RHOJ: variants seen among roughly 807,000 people sequenced by gnomAD.
The protein encoded by RHOJ is rho-related GTP-binding protein RhoJ.
In RHOJ, 11 loss-of-function variants were observed where a neutral mutation model predicts 23.4. That is an observed-to-expected ratio of 0.47 (90% confidence interval 0.30 to 0.78). The LOEUF is 0.78. Among genes scored for constraint, RHOJ ranks in the 30% least tolerant of loss-of-function variants. The probability of loss-of-function intolerance (pLI) is 0.08; values close to 1 mark genes in which losing one functional copy is unlikely to be tolerated. For synonymous variants in RHOJ, 102 were observed against 102.7 expected (o/e 0.99, Z 0.04); for missense variants, 254 against 273.4 (o/e 0.93, Z 0.50).
At chr14:63,218,613 T>C (rs1476008869) in intron 1 of RHOJ, among the ~76,000 whole-genome samples, 2 of 152,184 alleles carry the variant, frequency 1.3e-5, no homozygotes, top group Non-Finnish European at 1.5e-5. Context: ...AAAAGCTTCT[T>C]AAGGGTAGTG....
At chr14:63,221,194 G>T (rs1202232026) in intron 1 of RHOJ, among the ~76,000 whole-genome samples, 1 of 152,126 alleles carries the variant, frequency 6.6e-6, no homozygotes, top group Non-Finnish European at 1.5e-5. Flanking sequence ...ACCGGATGTG[G>T]TGGTGCATGG....
At chr14:63,231,668 T>G (rs147669790) in intron 1 of RHOJ, among the ~76,000 whole-genome samples, 1 of 152,234 alleles carries the variant, frequency 6.6e-6, no homozygotes, top group African/African-American at 2.4e-5. Flanking sequence ...TCTTCATGTA[T>G]GAAATGAGGA....
chr14:63,240,926 T>A (rs1894872010), intron 1 of RHOJ, among the ~76,000 whole-genome samples: 1 of 152,212 alleles, frequency 6.6e-6, no homozygotes, highest in African/African-American at 2.4e-5. Flanking sequence ...AAGAATGTGT[T>A]CAACAGTGGA....
At chr14:63,228,101 C>T (rs1894627314) in intron 1 of RHOJ, among the ~76,000 whole-genome samples, 1 of 152,172 alleles carries the variant, frequency 6.6e-6, no homozygotes, top group African/African-American at 2.4e-5. Context: ...TTCTATTGTC[C>T]TATGAGCATG....
chr14:63,249,386 A>G (rs1219022292), intron 1 of RHOJ, among the ~76,000 whole-genome samples: 3 of 152,138 alleles, frequency 2.0e-5, no homozygotes, highest in Non-Finnish European at 4.4e-5. Context: ...TATGCTCAAC[A>G]CTGCTGGCCT....
At chr14:63,265,592 AC>A (rs2139652208) in intron 1 of RHOJ, among the ~76,000 whole-genome samples, 1 of 152,376 alleles carries the variant, frequency 6.6e-6, no homozygotes, top group African/African-American at 2.4e-5. Flanking sequence ...AAAAAGTCAA[AC>A]TTTGTAAAAT....
chr14:63,265,324 ATGGCTG>A (rs1301470388), intron 1 of RHOJ, among the ~76,000 whole-genome samples: 1 of 152,142 alleles, frequency 6.6e-6, no homozygotes, highest in African/African-American at 2.4e-5. Flanking sequence ...CAAACATCAG[ATGGCTG>A]TGGCTGTGCA....
At chr14:63,240,931 A>G (rs9323434) in intron 1 of RHOJ, among the ~76,000 whole-genome samples, 33,079 of 152,214 alleles carry the variant, frequency 0.22, 6,028 homozygotes, top group African/African-American at 0.5. Flanking sequence ...TGTGTTCAAC[A>G]GTGGACTAAG....
chr14:63,225,825 A>G (rs1383542865), intron 1 of RHOJ, among the ~76,000 whole-genome samples: 1 of 152,176 alleles, frequency 6.6e-6, no homozygotes, highest in Non-Finnish European at 1.5e-5. Flanking sequence ...ACTACAACCC[A>G]TGTATATAAA....
At chr14:63,256,763 C>T (rs1208605253) in intron 1 of RHOJ, among the ~76,000 whole-genome samples, 1 of 152,140 alleles carries the variant, frequency 6.6e-6, no homozygotes, top group Non-Finnish European at 1.5e-5. Context: ...CATGGTGAAA[C>T]CCTGTCTCTA....
At chr14:63,246,409 A>C (rs1353978557) in intron 1 of RHOJ, among the ~76,000 whole-genome samples, 1 of 152,166 alleles carries the variant, frequency 6.6e-6, no homozygotes, top group Non-Finnish European at 1.5e-5. Flanking sequence ...CTCTATAAAA[A>C]CCACATCGTA....
intron 1 of RHOJ, among the ~76,000 whole-genome samples, chr14:63,257,897 C>G (rs1895203870): frequency 6.7e-6 from 1 of 149,606 alleles, no homozygotes. Context: ...ACAGGGCTCC[C>G]TGGCACAACC....
intron 2 of RHOJ, among the ~76,000 whole-genome samples, chr14:63,276,502 A>G (rs2139660863): frequency 6.6e-6 from 1 of 152,334 alleles, no homozygotes; most frequent in African/African-American, 2.4e-5. Flanking sequence ...CTGAATTGCC[A>G]ATTCTTATTC....
chr14:63,271,625 A>G (rs767940496), intron 2 of RHOJ, among the ~76,000 whole-genome samples: 1 of 151,978 alleles, frequency 6.6e-6, no homozygotes. Context: ...ACAGGGTTTC[A>G]CTCCCATCAC....
In RHOJ at chr14:63,293,489, A is replaced by G. The variant is rs1294105184; in HGVS notation, c.*2465A>G. On this transcript the variant is annotated 3_prime_UTR_variant, in exon 5 of 5. Transcript: ENST00000316754. ...AGGGGTCTTAAGAGCTAATTACTGA[A>G]TAAAACAATCTAGAACAAAGCAACC... Among the ~76,000 whole-genome samples the G allele has an allele frequency of 6.6e-6, 1 of 152,248 alleles. No homozygotes were observed. Among genetic ancestry groups the G allele is most frequent in the Admixed American group, 6.5e-5 (1 of 15,286 alleles).
At chr14:63,248,989 G>T (rs896816736) in intron 1 of RHOJ, among the ~76,000 whole-genome samples, 2 of 152,130 alleles carry the variant, frequency 1.3e-5, no homozygotes, top group Admixed American at 6.5e-5. Context: ...GTCCCAATTG[G>T]TCTGACTCAG....
chr14:63,288,417 C>T, intron 4 of RHOJ: 1 of 825,938 alleles, frequency 1.2e-6, no homozygotes, highest in Non-Finnish European at 1.5e-6. Context: ...AAAGGTGCTA[C>T]AGCAGTTTCT....
chr14:63,290,807 G>A, intron 4 of RHOJ, 71 bp from the exon 5 acceptor site: 1 of 1,462,752 alleles, frequency 6.8e-7, no homozygotes, highest in Non-Finnish European at 9.3e-7. Context: ...GCTTGTCTGG[G>A]CAGTGAGTTG....
chr14:63,242,253 T>C (rs1191062592), intron 1 of RHOJ, among the ~76,000 whole-genome samples: 3 of 152,210 alleles, frequency 2.0e-5, no homozygotes, highest in Non-Finnish European at 4.4e-5. Flanking sequence ...TGAACAACTC[T>C]GGCAAATGAT....
Sources: gnomAD v4.1 joint callset for allele counts (sites outside exome capture counted in the v4.1 genomes callset) on GRCh38, gnomAD v4.1.1 for gene constraint, MANE v1.5 for transcripts, NCBI Gene and HGNC (gene_info 2026-07-23, HGNC 2026-07-21) for gene names.